Variants in RORA observed in about 807,000 individuals in gnomAD.
RORA encodes nuclear receptor ROR-alpha.
In RORA, 7 loss-of-function variants were observed where a neutral mutation model predicts 69.5. The observed-to-expected ratio is 0.10, with a 90% CI of 0.06 to 0.19. The LOEUF (loss-of-function observed/expected upper bound fraction) is 0.19, where lower values mean the gene tolerates loss of function less well. Among genes scored for constraint, RORA ranks in the 10% least tolerant of loss-of-function variants. The pLI is 1.00. For missense variants in RORA, 457 were observed against 663.0 expected, an observed-to-expected ratio of 0.69 and a Z score of 3.41; for synonymous variants, 261 against 240.8, an observed-to-expected ratio of 1.08 and a Z score of -0.78.
intron 1 of RORA, among the ~76,000 whole-genome samples, chr15:60,944,356 G>A (rs1892798529): frequency 6.6e-6 from 1 of 152,164 alleles, no homozygotes; most frequent in Admixed American, 6.5e-5. Context: ...CTAAGGGCCA[G>A]GGACTCTGCA....
chr15:60,744,980 T>A (rs1339112081), intron 1 of RORA, among the ~76,000 whole-genome samples: 3 of 152,196 alleles, frequency 2.0e-5, no homozygotes, highest in Non-Finnish European at 4.4e-5. Flanking sequence ...TTCTCTTGAA[T>A]CCAGCCTATG....
At chr15:60,757,537 T>C (rs1477207054) in intron 1 of RORA, among the ~76,000 whole-genome samples, 1 of 152,206 alleles carries the variant, frequency 6.6e-6, no homozygotes, top group African/African-American at 2.4e-5. Flanking sequence ...AGTCCTGCCA[T>C]ACAGGTTTCA....
rs925795184 is a variant in RORA at position 60,496,791 on chromosome 15, A to C, written c.*664T>G. ...CATTTAATTTAAAGAAAAAGGTGCA[A>C]AATGAAAGTGCCTTATCAATTCAAC... On this transcript the variant is annotated 3_prime_UTR_variant, in exon 11 of 11. Coordinates refer to ENST00000335670, the MANE Select transcript of RORA (RefSeq NM_134261.3). This position sits in a 1 kb window ranked among gnomAD's most constrained non-coding sequence, Gnocchi z 4.5. The C allele has an allele frequency of 6.6e-5, 10 of 152,244 alleles. No individual in the cohort carries two copies. The highest frequency in any genetic ancestry group is 2.4e-4 in the African/African-American group (10 of 41,456). 9.4% of individuals were successfully genotyped at this position (152,244 alleles called of 1,614,324 possible). A position where few individuals can be genotyped will look rare whatever the true frequency, so the allele number is the denominator to read the frequency against.
intron 1 of RORA, among the ~76,000 whole-genome samples, chr15:61,165,217 TG>T (rs1339653638): frequency 6.6e-6 from 1 of 152,230 alleles, no homozygotes; most frequent in African/African-American, 2.4e-5. Flanking sequence ...ACCAGGCATC[TG>T]GGGGCATAAG....
At chr15:60,986,470 C>T (rs1413666209) in intron 1 of RORA, among the ~76,000 whole-genome samples, 1 of 152,194 alleles carries the variant, frequency 6.6e-6, no homozygotes, top group Non-Finnish European at 1.5e-5. Context: ...TTTGAGGCCA[C>T]CTCTTCATTA....
intron 1 of RORA, among the ~76,000 whole-genome samples, chr15:61,215,285 G>A (rs16943772): frequency 0.043 from 6,519 of 152,080 alleles, 311 homozygotes; most frequent in African/African-American, 0.11. Context: ...GTGACTTAAG[G>A]CATAGAAATG....
rs1362490973 is a variant in RORA, at chr15:60,503,617, T to A, written c.993A>T (p.Ile331=). The change falls in exon 7 of 11, where the codon ATA becomes ATT. Residue 331 remains isoleucine, a synonymous_variant. Transcript: ENST00000335670. ...QLCAIKITEA[I]QYVVEFAKRI... is the part of the protein sequence containing the mutation. The stretch of plus-strand genomic sequence containing the variant: ...GTTTGGCAAACTCCACCACATACTG[T>A]ATAGCTTCTGTAATTTTGATGGCAC... 6.2e-7 allele frequency: 1 copy of A among 1,614,144 alleles called. No homozygotes were observed. The highest frequency in any genetic ancestry group is 2.2e-5 in the East Asian group (1 of 44,884).
chr15:60,583,347 T>G (rs1244677565), intron 2 of RORA, among the ~76,000 whole-genome samples: 1 of 152,366 alleles, frequency 6.6e-6, no homozygotes, highest in East Asian at 1.9e-4. Context: ...TCCAGGGCAC[T>G]GAAACCTTTA....
intron 1 of RORA, among the ~76,000 whole-genome samples, chr15:60,874,341 T>G (rs2073590870): frequency 6.6e-6 from 1 of 152,228 alleles, no homozygotes; most frequent in Admixed American, 6.5e-5. Flanking sequence ...CAGGCACTGT[T>G]CTAGGTGCTG....
intron 1 of RORA, among the ~76,000 whole-genome samples, chr15:61,208,335 G>C (rs1248374111): frequency 6.6e-6 from 1 of 152,158 alleles, no homozygotes; most frequent in Non-Finnish European, 1.5e-5. Flanking sequence ...CCACTTAAAT[G>C]AAATGTCCAG....
chr15:60,828,941 T>C (rs2073002015), intron 1 of RORA, among the ~76,000 whole-genome samples: 1 of 152,210 alleles, frequency 6.6e-6, no homozygotes, highest in Non-Finnish European at 1.5e-5. Context: ...CTCATTTACT[T>C]AGATCATTTA....
intron 2 of RORA, among the ~76,000 whole-genome samples, chr15:60,555,351 G>T (rs940398328): frequency 2.6e-5 from 4 of 152,154 alleles, no homozygotes; most frequent in African/African-American, 9.6e-5. Context: ...AAGGTGGGGA[G>T]GTAGGAGAGG....
chr15:61,041,582 C>G (rs1896773626), intron 1 of RORA, among the ~76,000 whole-genome samples: 1 of 152,140 alleles, frequency 6.6e-6, no homozygotes, highest in South Asian at 2.1e-4. Context: ...ATTTTAGAGA[C>G]AGCTCTCACT....
intron 1 of RORA, among the ~76,000 whole-genome samples, chr15:61,048,436 T>C (rs2140492798): frequency 6.6e-6 from 1 of 152,284 alleles, no homozygotes; most frequent in African/African-American, 2.4e-5. Context: ...ACACTCCAGA[T>C]GCAGGGTCTC....
intron 1 of RORA, among the ~76,000 whole-genome samples, chr15:60,992,638 A>G (rs1456400846): frequency 1.3e-5 from 2 of 151,924 alleles, no homozygotes; most frequent in African/African-American, 2.4e-5. Context: ...TCATCTACTC[A>G]TCTGTCGTCA....
At chr15:60,505,175 T>G (rs2065458985) in intron 6 of RORA, among the ~76,000 whole-genome samples, 1 of 152,224 alleles carries the variant, frequency 6.6e-6, no homozygotes. Context: ...TACATAAACT[T>G]CCAGACCTTA....
At chr15:60,810,722 T>A (rs2140366946) in intron 1 of RORA, among the ~76,000 whole-genome samples, 1 of 143,692 alleles carries the variant, frequency 7.0e-6, no homozygotes, top group East Asian at 2.0e-4. Context: ...CCCTCCAGTT[T>A]TTTTTTTTTC....
intron 1 of RORA, among the ~76,000 whole-genome samples, chr15:60,720,878 C>G (rs941424823): frequency 2.6e-5 from 4 of 152,120 alleles, no homozygotes; most frequent in Non-Finnish European, 5.9e-5. Flanking sequence ...CATATTTCGA[C>G]TGGGGGCTTC....
At chr15:61,048,569 C>T (rs1340275962) in intron 1 of RORA, among the ~76,000 whole-genome samples, 1 of 152,208 alleles carries the variant, frequency 6.6e-6, no homozygotes, top group South Asian at 2.1e-4. Flanking sequence ...GCCCGGTGAG[C>T]GTCATGGCGG....
Sources: gnomAD v4.1 joint callset for allele counts (sites outside exome capture counted in the v4.1 genomes callset) on GRCh38, gnomAD v4.1.1 for gene constraint, Gnocchi (gnomAD v3.1) non-coding constraint, MANE v1.5 for transcripts, NCBI Gene and HGNC (gene_info 2026-07-23, HGNC 2026-07-21) for gene names.